Variants in ADAMTSL1 observed in about 807,000 individuals in gnomAD.
ADAMTSL1 encodes the protein ADAMTS like 1, also known as ADAMTS-like protein 1.
ADAMTSL1 carries 126 observed loss-of-function variants against 201.8 expected under a neutral mutation model. The observed-to-expected ratio is 0.62, with a 90% CI of 0.54 to 0.72. The LOEUF (loss-of-function observed/expected upper bound fraction) is 0.72, where lower values mean the gene tolerates loss of function less well. ADAMTSL1 is among the 30% of genes least tolerant of loss of function. The pLI, the probability that ADAMTSL1 is intolerant of heterozygous loss-of-function variation, is 0.00. For missense variants in ADAMTSL1, 2,679 were observed against 2,277.8 expected, an observed-to-expected ratio of 1.18 and a Z score of -3.59; for synonymous variants, 1,121 against 903.4, an observed-to-expected ratio of 1.24 and a Z score of -4.32.
In ADAMTSL1 at chr9:17,946,181, G is replaced by A. The variant is rs1032574536; in HGVS notation, c.87+39259G>A. On this transcript the variant is annotated intron_variant, in intron 1 of 29. Coordinates refer to the ADAMTSL1 transcript ENST00000680146. ...CCAGCTATTTTTTTTTTTATTTTGAGTAGAGATGAGGTCTTCTGTATTGCC... is the reference window on the plus strand; with the variant it reads ...CCAGCTATTTTTTTTTTTATTTTGAATAGAGATGAGGTCTTCTGTATTGCC... Among the ~76,000 whole-genome samples the A allele has an allele frequency of 2.7e-5, 4 of 150,358 alleles. 1 individual carries two copies. Among genetic ancestry groups the A allele is most frequent in the Admixed American group, 1.3e-4 (2 of 15,030 alleles).
At chr9:18,094,515 G>T (rs1219506832) in intron 1 of ADAMTSL1, among the ~76,000 whole-genome samples, 1 of 152,116 alleles carries the variant, frequency 6.6e-6, no homozygotes, top group Non-Finnish European at 1.5e-5. Context: ...TGGCATCTGT[G>T]AGCCACTGTG....
intron 1 of ADAMTSL1, among the ~76,000 whole-genome samples, chr9:17,919,166 C>A (rs1213350155): frequency 1.3e-5 from 2 of 150,906 alleles, no homozygotes; most frequent in African/African-American, 4.9e-5. Flanking sequence ...TCTTTTATCA[C>A]ATTAAAAAAA....
At chr9:18,166,141 C>A (rs2132103654) in intron 2 of ADAMTSL1, among the ~76,000 whole-genome samples, 1 of 152,010 alleles carries the variant, frequency 6.6e-6, no homozygotes, top group South Asian at 2.1e-4. Flanking sequence ...TCCCTAGTAT[C>A]CCAAAGACAT....
At chr9:18,369,921 C>T (rs1040023545) in intron 2 of ADAMTSL1, among the ~76,000 whole-genome samples, 1 of 152,166 alleles carries the variant, frequency 6.6e-6, no homozygotes, top group African/African-American at 2.4e-5. Context: ...AAATCAAATA[C>T]TAAATGTTCT....
chr9:18,010,167 G>A (rs1008340126), intron 1 of ADAMTSL1, among the ~76,000 whole-genome samples: 2 of 151,966 alleles, frequency 1.3e-5, no homozygotes, highest in Non-Finnish European at 2.9e-5. Context: ...TTTTTCAGAC[G>A]AAACTGAAGC....
chr9:18,633,007 A>G (rs1564104067), intron 5 of ADAMTSL1, among the ~76,000 whole-genome samples: 1 of 152,140 alleles, frequency 6.6e-6, no homozygotes, highest in Non-Finnish European at 1.5e-5. Context: ...TAGGGAACAT[A>G]CAGATATTAC....
chr9:18,840,770 T>G (rs1825664927), intron 23 of ADAMTSL1, among the ~76,000 whole-genome samples: 7 of 150,390 alleles, frequency 4.7e-5, no homozygotes. Flanking sequence ...TAAGTTGGAT[T>G]CCTAGGTATT....
chr9:18,871,280 T>G (rs1408547927), intron 23 of ADAMTSL1, among the ~76,000 whole-genome samples: 1 of 152,218 alleles, frequency 6.6e-6, no homozygotes, highest in Non-Finnish European at 1.5e-5. Context: ...CCAACAATTC[T>G]TATTAGCCAC....
rs116662703 is a variant in ADAMTSL1 at position 18,540,691 on chromosome 9, A to T, written c.237+7399A>T. Among the ~76,000 whole-genome samples the T allele has an allele frequency of 2.6e-3, 399 of 152,210 alleles. 3 individuals carry two copies. The highest frequency in any genetic ancestry group is 9.2e-3 in the African/African-American group (382 of 41,514). On this transcript the variant is annotated intron_variant, in intron 3 of 28. Transcript: ENST00000380548. ...TGGAAGAGCAGAAGGCTGAAAGAAA[A>T]CTTGGTGACTCTATCTACCCCTTCT...
At chr9:17,937,253 C>T (rs1331745606) in intron 1 of ADAMTSL1, among the ~76,000 whole-genome samples, 1 of 152,100 alleles carries the variant, frequency 6.6e-6, no homozygotes, top group Non-Finnish European at 1.5e-5. Context: ...CAATGTTGGC[C>T]TGATCATTCA....
intron 21 of ADAMTSL1, among the ~76,000 whole-genome samples, chr9:18,823,917 G>A (rs1173712844): frequency 6.6e-6 from 1 of 152,058 alleles, no homozygotes; most frequent in Non-Finnish European, 1.5e-5. Context: ...TGGAACCCAG[G>A]AGGCAGAGGC....
intron 14 of ADAMTSL1, 25 bp downstream of exon 14, chr9:18,707,073 A>G (rs769467014): frequency 1.9e-6 from 3 of 1,597,300 alleles, no homozygotes; most frequent in South Asian, 2.3e-5. Context: ...TCTGGCTCAG[A>G]TCCCCGCCAT....
At chr9:18,747,743 T>G (rs1019200346) in intron 15 of ADAMTSL1, among the ~76,000 whole-genome samples, 3 of 152,156 alleles carry the variant, frequency 2.0e-5, no homozygotes, top group Admixed American at 2.0e-4. Flanking sequence ...CACGTCACAG[T>G]TTTTAGCTCA....
chr9:17,949,429 C>T (rs1400793822), intron 1 of ADAMTSL1, among the ~76,000 whole-genome samples: 1 of 152,154 alleles, frequency 6.6e-6, no homozygotes, highest in Non-Finnish European at 1.5e-5. Flanking sequence ...TTAAGCAGGG[C>T]TTTGGAAGGA....
At chr9:18,252,604 A>G (rs1391113223) in intron 2 of ADAMTSL1, among the ~76,000 whole-genome samples, 1 of 152,216 alleles carries the variant, frequency 6.6e-6, no homozygotes, top group Non-Finnish European at 1.5e-5. Context: ...AAGTCTATAC[A>G]TGTTCAGTAC....
chr9:18,154,047 G>A (rs1042694738), intron 1 of ADAMTSL1, among the ~76,000 whole-genome samples: 2 of 151,920 alleles, frequency 1.3e-5, no homozygotes, highest in Admixed American at 6.6e-5. Flanking sequence ...ATTCTTCCTC[G>A]GTGTCAGCTG....
At chr9:18,230,564 A>G (rs12353159) in intron 2 of ADAMTSL1, among the ~76,000 whole-genome samples, 41,394 of 151,966 alleles carry the variant, frequency 0.27, 5,877 homozygotes, top group Admixed American at 0.37. Flanking sequence ...AATAAATTAT[A>G]TCAATGAGAC....
At chr9:18,572,144 G>A (rs1003758894) in intron 3 of ADAMTSL1, among the ~76,000 whole-genome samples, 18 of 150,660 alleles carry the variant, frequency 1.2e-4, no homozygotes, top group Admixed American at 1.1e-3. Context: ...GCAGTGAGCC[G>A]AGATCACGCC....
intron 23 of ADAMTSL1, among the ~76,000 whole-genome samples, chr9:18,874,138 AT>A: frequency 6.6e-6 from 1 of 152,178 alleles, no homozygotes; most frequent in Non-Finnish European, 1.5e-5. Context: ...GTATACATTA[AT>A]TTTGTATCCT....
Sources: allele counts gnomAD v4.1 joint callset (sites outside exome capture counted in the v4.1 genomes callset), GRCh38; gene constraint gnomAD v4.1.1; transcripts MANE v1.5; gene names NCBI Gene and HGNC (gene_info 2026-07-23, HGNC 2026-07-21).